Variants in AKT3 observed in about 807,000 individuals in gnomAD.
AKT3 encodes RAC-gamma serine/threonine-protein kinase.
In AKT3, 15 loss-of-function variants were observed where a neutral mutation model predicts 65.3. The observed-to-expected ratio is 0.23, with a 90% CI of 0.15 to 0.35. The LOEUF (loss-of-function observed/expected upper bound fraction) is 0.35. Ranked by LOEUF, AKT3 falls within the 10% of genes least tolerant of loss-of-function variation. The pLI is 1.00. For synonymous variants in AKT3, 206 were observed against 183.8 expected (o/e 1.12, Z -0.98); for missense variants, 243 against 576.5 (o/e 0.42, Z 5.92).
downstream of AKT3, among the ~76,000 whole-genome samples, chr1:243,497,226 A>C (rs1053369059): frequency 2.6e-5 from 4 of 152,102 alleles, no homozygotes; most frequent in Admixed American, 1.3e-4. Context: ...GTGTGTTACC[A>C]AAGAGTCAGC....
At chr1:243,752,881 G>A (rs1200733014) in intron 2 of AKT3, among the ~76,000 whole-genome samples, 2 of 152,192 alleles carry the variant, frequency 1.3e-5, no homozygotes, top group Non-Finnish European at 2.9e-5. Context: ...GGGAAAGGAA[G>A]TTAAAGTTTT....
chr1:243,506,558 G>A (rs566491361), intron 13 of AKT3, among the ~76,000 whole-genome samples: 1 of 152,340 alleles, frequency 6.6e-6, no homozygotes, highest in Admixed American at 6.5e-5. Flanking sequence ...TTCCATTCTT[G>A]TATCACTGTT....
intron 2 of AKT3, chr1:243,735,204 TATC>T (rs1394466612): frequency 6.6e-6 from 1 of 152,178 alleles, no homozygotes. Context: ...GGTCATTTAT[TATC>T]ATTATCAAGT....
intron 2 of AKT3, among the ~76,000 whole-genome samples, chr1:243,714,380 T>C (rs569338613): frequency 6.6e-6 from 1 of 152,328 alleles, no homozygotes. Context: ...AAAACACTAA[T>C]GAATACAAGT....
At chr1:243,813,390 A>T (rs1013201031) in intron 2 of AKT3, among the ~76,000 whole-genome samples, 1 of 152,086 alleles carries the variant, frequency 6.6e-6, no homozygotes, top group African/African-American at 2.4e-5. Flanking sequence ...TTCAGTGTAT[A>T]TTGCTTGGGT....
At chr1:243,765,244 A>G (rs533878377) in intron 2 of AKT3, among the ~76,000 whole-genome samples, 1 of 152,234 alleles carries the variant, frequency 6.6e-6, no homozygotes, top group African/African-American at 2.4e-5. Context: ...TTAATTTTAA[A>G]AGCCTTTATA....
At chr1:243,788,287 G>A (rs1691391952) in intron 2 of AKT3, among the ~76,000 whole-genome samples, 1 of 152,136 alleles carries the variant, frequency 6.6e-6, no homozygotes, top group Non-Finnish European at 1.5e-5. Context: ...TTATATAATA[G>A]TAGATGTCAT....
rs1383107055 is a variant in AKT3, at chr1:243,583,164, G to GTATA, written c.697-10117_697-10116insTATA. ...ATATATCTCTCTCTTCCATGTATAT[G>GTATA]TGTGTGTATATATATATATATATAT... On this transcript the variant is annotated intron_variant, in intron 8 of 13. Coordinates refer to ENST00000673466, the MANE Select transcript of AKT3 (RefSeq NM_005465.7). Among the ~76,000 whole-genome samples, 108 of 74,890 alleles carry GTATA rather than the reference G, an allele frequency of 1.4e-3. 2 individuals carry two copies. The highest frequency in any genetic ancestry group is 4.4e-3 in the African/African-American group (104 of 23,416). 49.1% of individuals were successfully genotyped at this position (74,890 alleles called of 152,430 possible).
intron 2 of AKT3, among the ~76,000 whole-genome samples, chr1:243,764,012 T>C (rs137930831): frequency 6.6e-6 from 1 of 152,080 alleles, no homozygotes; most frequent in Non-Finnish European, 1.5e-5. Context: ...CAGAAACATT[T>C]TTACCCTGAA....
chr1:243,496,274 C>T (rs1233372461), downstream of AKT3, among the ~76,000 whole-genome samples: 2 of 152,186 alleles, frequency 1.3e-5, no homozygotes, highest in South Asian at 2.1e-4. Context: ...CGGGTGCGGG[C>T]GGAGCCGGGC....
rs769538692 is a variant in AKT3 at position 243,512,417 on chromosome 1, G to A, written c.1261C>T (p.Pro421Ser). 5.1e-6 allele frequency: 8 copies of A among 1,562,748 alleles called. No individual in the cohort carries two copies. Among genetic ancestry groups the A allele is most frequent in the Non-Finnish European group, 7.0e-6 (8 of 1,148,898 alleles). Residue 421 changes from proline (P) to serine (S), a missense_variant, in exon 13 of 14, where the codon CCT becomes TCT. Physicochemically the swap from Pro to Ser is moderately conservative, Grantham distance 74. Coordinates refer to ENST00000673466, the MANE Select transcript of AKT3 (RefSeq NM_005465.7). Reference protein sequence around the residue: ...QDVYDKKLVPPFKPQVTSETD... With the variant: ...QDVYDKKLVPSFKPQVTSETD... ...TCAGATGTTACTTGAGGTTTAAAAGGAGGTACAAGCTGTAAAAAGAAAGAA... is the reference window on the plus strand; with the variant it reads ...TCAGATGTTACTTGAGGTTTAAAAGAAGGTACAAGCTGTAAAAAGAAAGAA...
chr1:243,701,643 G>T (rs1685465974), intron 2 of AKT3, among the ~76,000 whole-genome samples: 1 of 128,800 alleles, frequency 7.8e-6, no homozygotes, highest in African/African-American at 2.9e-5. Flanking sequence ...TTAAAAATAT[G>T]CTTCTTACCT....
chr1:243,523,196 G>A (rs1367470725), intron 12 of AKT3, among the ~76,000 whole-genome samples: 1 of 150,404 alleles, frequency 6.6e-6, no homozygotes, highest in East Asian at 2.0e-4. Context: ...GAAACCAACT[G>A]GAATTTTATG....
chr1:243,811,485 A>C (rs1387094179), intron 2 of AKT3, among the ~76,000 whole-genome samples: 1 of 152,218 alleles, frequency 6.6e-6, no homozygotes, highest in Non-Finnish European at 1.5e-5. Context: ...ACCTCCTTCA[A>C]GGAGAACTAC....
rs1369925551 is a variant in AKT3 at position 243,682,021 on chromosome 1, ATCTT to A, written c.172+13566_172+13569del. Among the ~76,000 whole-genome samples, 14 of 152,184 alleles carry A rather than the reference ATCTT, an allele frequency of 9.2e-5. No homozygotes were observed. In the East Asian group the frequency reaches 2.3e-3, roughly 25 times the overall value. On this transcript the variant is annotated intron_variant, in intron 3 of 13. Coordinates refer to ENST00000673466, the MANE Select transcript of AKT3 (RefSeq NM_005465.7). ...CACCAAATATAATGGGCAAACAATCATCTTTCTAATTACAATTTCAAAAACTAGT... is the reference window on the plus strand; with the variant it reads ...CACCAAATATAATGGGCAAACAATCATCTAATTACAATTTCAAAAACTAGT...
chr1:243,621,683 A>G (rs77200560), intron 6 of AKT3, among the ~76,000 whole-genome samples: 4,067 of 152,302 alleles, frequency 0.027, 79 homozygotes, highest in Middle Eastern at 0.15. Context: ...CAAATTTGAC[A>G]TATCTAAAAC....
intron 2 of AKT3, among the ~76,000 whole-genome samples, chr1:243,718,127 A>C (rs2148102164): frequency 6.6e-6 from 1 of 152,308 alleles, no homozygotes; most frequent in Admixed American, 6.5e-5. Context: ...TTGCTCCTAA[A>C]ACACCACCCA....
At chr1:243,530,392 T>C (rs1285643341) in intron 12 of AKT3, among the ~76,000 whole-genome samples, 1 of 152,132 alleles carries the variant, frequency 6.6e-6, no homozygotes, top group East Asian at 1.9e-4. Context: ...TATAATTACA[T>C]GGACATTAAA....
intron 5 of AKT3, among the ~76,000 whole-genome samples, chr1:243,642,707 TAC>T (rs1558677673): frequency 6.6e-6 from 1 of 152,196 alleles, no homozygotes; most frequent in Non-Finnish European, 1.5e-5. Context: ...GGAAATACTT[TAC>T]AGTTACACTC....
Sources: allele counts gnomAD v4.1 joint callset (sites outside exome capture counted in the v4.1 genomes callset), GRCh38; gene constraint gnomAD v4.1.1; transcripts MANE v1.5; gene names NCBI Gene and HGNC (gene_info 2026-07-23, HGNC 2026-07-21).